Variants in SNTG1 observed in about 807,000 individuals in gnomAD.
SNTG1 encodes the protein gamma-1-syntrophin.
SNTG1 carries 39 observed loss-of-function variants against 74.7 expected under a neutral mutation model. The ratio of observed to expected loss-of-function variants is 0.52; its 90% CI spans 0.40 to 0.68. The LOEUF is 0.68. Among genes scored for constraint, SNTG1 ranks in the 30% least tolerant of loss-of-function variants. The probability of loss-of-function intolerance (pLI) is 0.00; values close to 1 mark genes in which losing one functional copy is unlikely to be tolerated. For synonymous variants in SNTG1, 254 were observed against 217.1 expected, an observed-to-expected ratio of 1.17 and a Z score of -1.49; for missense variants, 685 against 609.5, an observed-to-expected ratio of 1.12 and a Z score of -1.30.
intron 1 of SNTG1, among the ~76,000 whole-genome samples, chr8:50,103,971 T>C (rs2080259232): frequency 6.6e-6 from 1 of 152,214 alleles, no homozygotes; most frequent in African/African-American, 2.4e-5. Context: ...GCCAGTATTT[T>C]ATTGAGGATT....
chr8:49,975,765 A>ATG (rs1436494422), intron 1 of SNTG1, among the ~76,000 whole-genome samples: 44 of 67,800 alleles, frequency 6.5e-4, no homozygotes, highest in South Asian at 1.3e-3. Context: ...ACATATATAT[A>ATG]TATATGTGTG....
intron 1 of SNTG1, among the ~76,000 whole-genome samples, chr8:50,120,501 TTACTGCAATCACCAA>T (rs113217895): frequency 0.066 from 9,211 of 139,896 alleles, 1,844 homozygotes; most frequent in African/African-American, 0.23. Flanking sequence ...CTATCCAACA[TTACTGCAATCACCAA>T]TACTGCCATC....
chr8:50,702,325 C>T (rs546850643), intron 15 of SNTG1, among the ~76,000 whole-genome samples: 2 of 151,910 alleles, frequency 1.3e-5, no homozygotes, highest in Non-Finnish European at 2.9e-5. Flanking sequence ...ATTTTTTTCT[C>T]CCTTCAGACA....
chr8:50,728,388 A>G (rs2095505198), intron 17 of SNTG1, among the ~76,000 whole-genome samples: 1 of 152,158 alleles, frequency 6.6e-6, no homozygotes, highest in South Asian at 2.1e-4. Flanking sequence ...AGGAGTTACA[A>G]AGACTCCTGC....
At chr8:50,340,941 T>C (rs1480789988) in intron 2 of SNTG1, among the ~76,000 whole-genome samples, 1 of 151,942 alleles carries the variant, frequency 6.6e-6, no homozygotes, top group Non-Finnish European at 1.5e-5. Context: ...GCTTCACTTG[T>C]TCACACACAA....
At chr8:50,331,887 T>G (rs1335268852) in intron 2 of SNTG1, among the ~76,000 whole-genome samples, 2 of 152,124 alleles carry the variant, frequency 1.3e-5, no homozygotes, top group Non-Finnish European at 2.9e-5. Context: ...CAGAAAAAAG[T>G]GTTCATTTAA....
intron 15 of SNTG1, among the ~76,000 whole-genome samples, chr8:50,694,346 A>T (rs2131467417): frequency 6.6e-6 from 1 of 152,214 alleles, no homozygotes; most frequent in East Asian, 1.9e-4. Context: ...AGAAGAAATG[A>T]ATACATTCTG....
chr8:50,420,666 C>T (rs1269581874), intron 4 of SNTG1, among the ~76,000 whole-genome samples: 1 of 151,826 alleles, frequency 6.6e-6, no homozygotes, highest in African/African-American at 2.4e-5. Context: ...TGGTTCAAGC[C>T]AAAATTTTAA....
intron 15 of SNTG1, among the ~76,000 whole-genome samples, chr8:50,665,271 A>T (rs1025913409): frequency 4.6e-5 from 7 of 152,052 alleles, no homozygotes; most frequent in Non-Finnish European, 8.8e-5. Context: ...GTTATGCGGA[A>T]GGTGAAATAG....
chr8:50,167,309 T>TA (rs1002927472), intron 1 of SNTG1, among the ~76,000 whole-genome samples: 210 of 140,072 alleles, frequency 1.5e-3, no homozygotes, highest in African/African-American at 4.9e-3. Context: ...AGATTAAAAA[T>TA]AAAAAAAATA....
At chr8:50,648,043 A>G (rs1260512811) in intron 13 of SNTG1, among the ~76,000 whole-genome samples, 1 of 152,176 alleles carries the variant, frequency 6.6e-6, no homozygotes, top group African/African-American at 2.4e-5. Flanking sequence ...AAGGAAAGGT[A>G]CTTTTTGGCA....
chr8:50,284,158 T>C (rs1239971758), intron 2 of SNTG1, among the ~76,000 whole-genome samples: 1 of 152,064 alleles, frequency 6.6e-6, no homozygotes, highest in East Asian at 1.9e-4. Flanking sequence ...AATTTTGCTT[T>C]TATTGTTTTA....
At chr8:50,515,789 G>A (rs941653461) in intron 9 of SNTG1, among the ~76,000 whole-genome samples, 49 of 151,872 alleles carry the variant, frequency 3.2e-4, no homozygotes, top group African/African-American at 1.2e-3. Flanking sequence ...CTGAAAGAAA[G>A]GCAGCAGCCC....
chr8:50,177,887 T>C (rs1296709575), intron 2 of SNTG1, among the ~76,000 whole-genome samples: 2 of 152,188 alleles, frequency 1.3e-5, no homozygotes. Flanking sequence ...TCCTCATTCC[T>C]GAACCCCTGG....
chr8:50,183,408 T>A (rs2083276653), intron 2 of SNTG1, among the ~76,000 whole-genome samples: 1 of 151,998 alleles, frequency 6.6e-6, no homozygotes, highest in Non-Finnish European at 1.5e-5. Flanking sequence ...GTCTCCAGAG[T>A]CTCCGTTTTA....
intron 18 of SNTG1, among the ~76,000 whole-genome samples, chr8:50,782,715 AT>A (rs750740607): frequency 6.6e-6 from 1 of 152,196 alleles, no homozygotes; most frequent in Non-Finnish European, 1.5e-5. Context: ...TGTCAAAGTC[AT>A]TCTCCATCCA....
chr8:50,404,619 C>A (rs2092847802), intron 4 of SNTG1, among the ~76,000 whole-genome samples: 1 of 151,018 alleles, frequency 6.6e-6, no homozygotes, highest in Admixed American at 6.6e-5. Context: ...CTTATATGGT[C>A]AGTTAAGTTT....
intron 1 of SNTG1, among the ~76,000 whole-genome samples, chr8:50,147,506 C>G (rs2081913169): frequency 6.6e-6 from 1 of 152,088 alleles, no homozygotes; most frequent in Non-Finnish European, 1.5e-5. Flanking sequence ...TACAAATACA[C>G]TAGGGTTTGA....
chr8:50,792,899 C>A lies in SNTG1; in HGVS notation c.*70C>A. ...GACACATTTACTCATCATTTTAGAC[C>A]CTAGAGAAACCATAACATCACCAAG... On this transcript the variant is annotated 3_prime_UTR_variant, in exon 19 of 19. Transcript: ENST00000642720. 2 of 1,438,612 alleles carry A rather than the reference C, an allele frequency of 1.4e-6. No individual in the cohort carries two copies. Among genetic ancestry groups the A allele is most frequent in the Non-Finnish European group, 1.8e-6 (2 of 1,085,290 alleles). The allele number at this position is 1,438,612 out of a possible 1,614,324, so 89.1% of individuals were successfully genotyped here.
Sources: allele counts gnomAD v4.1 joint callset (sites outside exome capture counted in the v4.1 genomes callset), GRCh38; gene constraint gnomAD v4.1.1; transcripts MANE v1.5; gene names NCBI Gene and HGNC (gene_info 2026-07-23, HGNC 2026-07-21).